ZSCAN25: variants seen among roughly 807,000 people sequenced by gnomAD.
The protein encoded by ZSCAN25 is zinc finger and SCAN domain containing 25.
Under a neutral mutation model 38.7 loss-of-function variants are expected in ZSCAN25, and 27 were observed. The observed-to-expected ratio is 0.70, with a 90% confidence interval of 0.51 to 0.96. The LOEUF (loss-of-function observed/expected upper bound fraction) is 0.96, where lower values mean the gene tolerates loss of function less well. Among genes scored for constraint, ZSCAN25 ranks in the 40% least tolerant of loss-of-function variants. ZSCAN25 has a pLI of 0.00. For missense variants in ZSCAN25, 637 were observed against 705.9 expected (o/e 0.90, Z 1.11); for synonymous variants, 273 against 277.7 (o/e 0.98, Z 0.17).
At chr7:99,626,393 A>G (rs1296565346) in intron 7 of ZSCAN25, among the ~76,000 whole-genome samples, 1 of 152,166 alleles carries the variant, frequency 6.6e-6, no homozygotes, top group Non-Finnish European at 1.5e-5. Context: ...GTTTTACTTG[A>G]GGAAAATTGG....
chr7:99,619,918 G>T lies in ZSCAN25; in HGVS notation c.312G>T (p.Glu104Asp), dbSNP rs1806798105. ...GCGAGTTCTACGCCTGGATCCGGGA[G>T]CATGGCCCAGAGAGTGGCAAGGCCC... is the stretch of plus-strand genomic sequence containing the variant. ...LPREFYAWIR[E>D]HGPESGKALA... The change falls in exon 4 of 8, where the codon GAG becomes GAT. Residue 104 changes from glutamate (E) to aspartate (D), a missense_variant. Transcript: ENST00000394152. The T allele has an allele frequency of 6.2e-7, 1 of 1,614,236 alleles. No homozygotes were observed. Among genetic ancestry groups the T allele is most frequent in the Non-Finnish European group, 8.5e-7 (1 of 1,180,052 alleles).
At chr7:99,709,889 T>C in the ZSCAN25 span, among the ~76,000 whole-genome samples, 1 of 152,054 alleles carries the variant, frequency 6.6e-6, no homozygotes, top group African/African-American at 2.4e-5. Flanking sequence ...TATCAATAAT[T>C]TGAGGAAAAA....
the ZSCAN25 span, chr7:99,666,513 TA>T: frequency 1.4e-6 from 2 of 1,384,724 alleles, no homozygotes; most frequent in Non-Finnish European, 2.0e-6. Flanking sequence ...GTCACTGGAG[TA>T]ACCCAACAGT....
chr7:99,668,342 T>C, the ZSCAN25 span, among the ~76,000 whole-genome samples: 1 of 152,204 alleles, frequency 6.6e-6, no homozygotes, highest in African/African-American at 2.4e-5. Flanking sequence ...AGTAAAGATA[T>C]AGATTATACC....
the ZSCAN25 span, chr7:99,709,174 T>C: frequency 6.2e-7 from 1 of 1,613,910 alleles, no homozygotes; most frequent in Admixed American, 1.7e-5. Context: ...CTCTCAAGTC[T>C]CATAGCAACT....
the ZSCAN25 span, among the ~76,000 whole-genome samples, chr7:99,731,547 C>T: frequency 3.3e-5 from 5 of 152,310 alleles, no homozygotes; most frequent in Admixed American, 3.3e-4. Context: ...GAAAGAGTGA[C>T]AATTTTTCTT....
At chr7:99,626,277 G>C (rs1304831026) in intron 7 of ZSCAN25, among the ~76,000 whole-genome samples, 1 of 152,218 alleles carries the variant, frequency 6.6e-6, no homozygotes, top group East Asian at 1.9e-4. Flanking sequence ...AGTGCTCAGA[G>C]GAGTAAGGAG....
the ZSCAN25 span, among the ~76,000 whole-genome samples, chr7:99,714,275 G>A: frequency 6.6e-6 from 1 of 152,306 alleles, no homozygotes; most frequent in South Asian, 2.1e-4. Flanking sequence ...GAAGGGAAGT[G>A]CTGTGATAAG....
the ZSCAN25 span, among the ~76,000 whole-genome samples, chr7:99,721,759 C>G: frequency 1.6e-3 from 233 of 148,674 alleles, no homozygotes; most frequent in African/African-American, 5.5e-3. Context: ...GTGTGTGTGT[C>G]AGTGTGTCTG....
chr7:99,722,227 T>C, the ZSCAN25 span: 2 of 1,595,188 alleles, frequency 1.3e-6, no homozygotes, highest in East Asian at 4.5e-5. Flanking sequence ...GCTGAGACTA[T>C]CCTCTGTGCA....
At position 99,629,110 on chromosome 7, in the gene ZSCAN25, G is replaced by C. The variant is rs548014313; in HGVS notation, c.806-81G>C. The stretch of plus-strand genomic sequence containing the variant: ...AAAAAAGAGAAGGAACCATGAATGG[G>C]ACCCCTGTGAAGCAGAGTTCTAACA... On this transcript the variant is annotated intron_variant, in intron 7 of 7. Transcript: ENST00000394152. This position sits in a 1 kb window ranked among gnomAD's most constrained non-coding sequence, Gnocchi z 5.6. 339 of 1,501,664 alleles carry C rather than the reference G, an allele frequency of 2.3e-4. 2 individuals carry two copies. Among genetic ancestry groups the C allele is most frequent in the Non-Finnish European group, 1.2e-4 (138 of 1,124,238 alleles). The allele number at this position is 1,501,664 out of a possible 1,614,324, so 93.0% of individuals were successfully genotyped here.
the ZSCAN25 span, chr7:99,665,216 G>GT: frequency 6.2e-7 from 1 of 1,614,100 alleles, no homozygotes; most frequent in Non-Finnish European, 8.5e-7. Flanking sequence ...GAACTTCTTA[G>GT]TGCTCTCCAC....
At chr7:99,665,453 C>T in the ZSCAN25 span, 1 of 1,258,984 alleles carries the variant, frequency 7.9e-7, no homozygotes, top group South Asian at 1.3e-5. Flanking sequence ...GAATCATCTT[C>T]CATCTACTCC....
the ZSCAN25 span, among the ~76,000 whole-genome samples, chr7:99,718,675 G>A: frequency 6.6e-6 from 1 of 152,002 alleles, no homozygotes; most frequent in Non-Finnish European, 1.5e-5. Context: ...CTGGGAAAAA[G>A]AATTAAAAGG....
At chr7:99,638,562 G>T in the ZSCAN25 span, 5 of 1,550,544 alleles carry the variant, frequency 3.2e-6, no homozygotes, top group African/African-American at 6.8e-5. Context: ...CGCGGATCTT[G>T]TCCTGGCCAC....
chr7:99,735,484 C>T, the ZSCAN25 span, among the ~76,000 whole-genome samples: 8 of 152,314 alleles, frequency 5.3e-5, no homozygotes, highest in South Asian at 2.1e-4. Context: ...CTCCTCTTGT[C>T]TCTATGGCTG....
At chr7:99,717,852 A>T in the ZSCAN25 span, among the ~76,000 whole-genome samples, 1 of 152,262 alleles carries the variant, frequency 6.6e-6, no homozygotes, top group East Asian at 1.9e-4. Context: ...CTCCTTTTAC[A>T]TGCAAATTCT....
chr7:99,637,921 G>A, the ZSCAN25 span, among the ~76,000 whole-genome samples: 7 of 152,044 alleles, frequency 4.6e-5, no homozygotes, highest in Non-Finnish European at 8.8e-5. Context: ...AGATTCTCTC[G>A]AAATAAAAAA....
the ZSCAN25 span, chr7:99,660,494 C>T: frequency 6.2e-7 from 1 of 1,607,846 alleles, no homozygotes; most frequent in Non-Finnish European, 8.5e-7. Context: ...GGGTCATCCC[C>T]TCACCTTATT....
Sources: gnomAD v4.1 joint callset for allele counts (sites outside exome capture counted in the v4.1 genomes callset) on GRCh38, gnomAD v4.1.1 for gene constraint, Gnocchi (gnomAD v3.1) non-coding constraint, MANE v1.5 for transcripts, NCBI Gene and HGNC (gene_info 2026-07-23, HGNC 2026-07-21) for gene names.